PLEKHA7: variants seen among roughly 807,000 people sequenced by gnomAD.
PLEKHA7 encodes pleckstrin homology domain containing A7.
In PLEKHA7, 104 loss-of-function variants were observed where a neutral mutation model predicts 170.0. The observed-to-expected ratio is 0.61, with a 90% CI of 0.52 to 0.72. PLEKHA7 has a LOEUF of 0.72. Ranked by LOEUF, PLEKHA7 falls within the 30% of genes least tolerant of loss-of-function variation. The probability of loss-of-function intolerance (pLI) is 0.00; values close to 1 mark genes in which losing one functional copy is unlikely to be tolerated. For missense variants in PLEKHA7, 1,615 were observed against 1,671.7 expected (o/e 0.97, Z 0.59); for synonymous variants, 648 against 660.8 (o/e 0.98, Z 0.30).
At chr11:16,805,774 A>G (rs1164736111) in intron 13 of PLEKHA7, among the ~76,000 whole-genome samples, 3 of 143,530 alleles carry the variant, frequency 2.1e-5, no homozygotes, top group Non-Finnish European at 4.5e-5. Flanking sequence ...TGGGTGACAG[A>G]GCGAGACTCC....
chr11:16,878,183 C>T (rs1226206188), intron 3 of PLEKHA7, among the ~76,000 whole-genome samples: 6 of 152,240 alleles, frequency 3.9e-5, no homozygotes, highest in East Asian at 1.9e-4. Context: ...ACGAAATATA[C>T]GTTGAATTCA....
intron 3 of PLEKHA7, among the ~76,000 whole-genome samples, chr11:16,875,729 C>G (rs1328665244): frequency 6.6e-6 from 1 of 152,108 alleles, no homozygotes; most frequent in Non-Finnish European, 1.5e-5. Context: ...CAGGTGTGAG[C>G]CACCGTGCTC....
At chr11:16,822,576 C>T (rs1296297777) in intron 10 of PLEKHA7, among the ~76,000 whole-genome samples, 2 of 151,408 alleles carry the variant, frequency 1.3e-5, no homozygotes, top group Non-Finnish European at 2.9e-5. Context: ...CAGCACCGTG[C>T]ACTGCTGACT....
intron 3 of PLEKHA7, among the ~76,000 whole-genome samples, chr11:16,970,143 G>A (rs1053853908): frequency 6.6e-6 from 1 of 152,166 alleles, no homozygotes; most frequent in Non-Finnish European, 1.5e-5. Flanking sequence ...CAGAAAGGGG[G>A]TTTTCTCAGA....
Position 16,807,167 on chromosome 11 carries a change from G to A in PLEKHA7, c.2008-3872C>T, listed in dbSNP as rs912972600. The A allele has an allele frequency of 2.1e-5, 21 of 985,504 alleles. No individual in the cohort carries two copies. The East Asian group carries it at 1.1e-3, about 53-fold the overall frequency. The allele number at this position is 985,504 out of a possible 1,614,324, so 61.0% of individuals were successfully genotyped here. A position where few individuals can be genotyped will look rare whatever the true frequency, so the allele number is the denominator to read the frequency against. On this transcript the variant is annotated intron_variant, in intron 13 of 26. Transcript: ENST00000531066. ...ACGCTTCTCCTGGGCCGACAGCCCC[G>A]TGCTGACTTCTTCAGCACTTTGTAA...
chr11:16,792,385 AAAAAT>A (rs1423421496), intron 19 of PLEKHA7, among the ~76,000 whole-genome samples: 2 of 152,230 alleles, frequency 1.3e-5, no homozygotes, highest in Non-Finnish European at 2.9e-5. Flanking sequence ...TAAGTCAAAT[AAAAAT>A]AAAAGAACTA....
chr11:16,814,775 G>C (rs964118152), intron 12 of PLEKHA7, among the ~76,000 whole-genome samples: 11 of 152,208 alleles, frequency 7.2e-5, no homozygotes, highest in Non-Finnish European at 4.4e-5. Flanking sequence ...CTGTGAGGCA[G>C]CAGGGCACCA....
chr11:16,999,015 A>T (rs1864510830), intron 3 of PLEKHA7, among the ~76,000 whole-genome samples: 1 of 152,066 alleles, frequency 6.6e-6, no homozygotes, highest in South Asian at 2.1e-4. Context: ...TCAGGAGGGT[A>T]ATGGCAAATG....
intron 3 of PLEKHA7, among the ~76,000 whole-genome samples, chr11:16,985,098 T>C (rs1300138067): frequency 6.6e-6 from 1 of 152,234 alleles, no homozygotes; most frequent in African/African-American, 2.4e-5. Context: ...CTGCATGTTC[T>C]TCTTCCTCAA....
intron 3 of PLEKHA7, among the ~76,000 whole-genome samples, chr11:16,930,712 T>C (rs570268780): frequency 6.6e-6 from 1 of 152,332 alleles, no homozygotes; most frequent in African/African-American, 2.4e-5. Context: ...ACATGAGGCC[T>C]TTATTTAGAG....
At chr11:17,006,222 T>C (rs1864980258) in intron 3 of PLEKHA7, among the ~76,000 whole-genome samples, 1 of 148,910 alleles carries the variant, frequency 6.7e-6, no homozygotes, top group African/African-American at 2.5e-5. Flanking sequence ...TACCCGGGCA[T>C]GGTGGTGGGC....
In PLEKHA7 at chr11:16,826,213, G is replaced by C; in HGVS notation, c.1250C>G (p.Pro417Arg). ...GTGTTTTTCAGGGTTGGTCCTGGGA[G>C]GAAAGGCCCGCTGGTACCCACCAGT... ...NGTGGYQRAFPPRTNPEKHSQ... is the reference protein window; with the variant it reads ...NGTGGYQRAFRPRTNPEKHSQ... The change falls in exon 10 of 27, where the codon CCT becomes CGT. Residue 417 changes from proline (P) to arginine (R), a missense_variant. Transcript: ENST00000531066. 6.2e-7 allele frequency: 1 copy of C among 1,614,230 alleles called. No homozygotes were observed. Among genetic ancestry groups the C allele is most frequent in the East Asian group, 2.2e-5 (1 of 44,878 alleles).
At position 16,789,930 on chromosome 11, in the gene PLEKHA7, C is replaced by T. The variant is rs1394698154; in HGVS notation, c.3053-52G>A. Reference sequence around the variant, plus strand: ...ATGTTTGTGCTGGGGTGGATGGGTCCCTGCTTCTCCCTCATCACACATTCT... The same window carrying T: ...ATGTTTGTGCTGGGGTGGATGGGTCTCTGCTTCTCCCTCATCACACATTCT... On this transcript the variant is annotated intron_variant, in intron 21 of 26. Coordinates refer to ENST00000531066, the MANE Select transcript of PLEKHA7 (RefSeq NM_001329630.2). The surrounding 1 kb of genome is among the most constrained non-coding windows in gnomAD (Gnocchi z 4.6). The T allele has an allele frequency of 6.9e-7, 1 of 1,449,662 alleles. No homozygotes were observed. Among genetic ancestry groups the T allele is most frequent in the Non-Finnish European group, 9.7e-7 (1 of 1,033,002 alleles). The allele number at this position is 1,449,662 out of a possible 1,614,324, so 89.8% of individuals were successfully genotyped here.
chr11:16,782,953 G>T (rs979165844), intron 25 of PLEKHA7, 57 bp from the exon 26 acceptor site: 6 of 1,510,828 alleles, frequency 4.0e-6, no homozygotes, highest in Non-Finnish European at 5.3e-6. Context: ...GCAGCCTCAG[G>T]AGTGGAGGGT....
intron 3 of PLEKHA7, among the ~76,000 whole-genome samples, chr11:16,987,476 C>T (rs1315809730): frequency 6.6e-6 from 1 of 152,172 alleles, no homozygotes. Context: ...AGAGACGCAC[C>T]CTTGAGGCGT....
chr11:16,899,786 A>C (rs1857215494), intron 3 of PLEKHA7, among the ~76,000 whole-genome samples: 1 of 152,252 alleles, frequency 6.6e-6, no homozygotes, highest in African/African-American at 2.4e-5. Context: ...ATAGGGCAGG[A>C]AAACCTTTAG....
intron 3 of PLEKHA7, among the ~76,000 whole-genome samples, chr11:16,955,428 T>G (rs182204822): frequency 3.9e-4 from 60 of 152,364 alleles, no homozygotes; most frequent in Admixed American, 5.9e-4. Context: ...TTTACTTACC[T>G]GTTTGTCCCA....
chr11:16,784,881 C>A (rs566615244), intron 24 of PLEKHA7, among the ~76,000 whole-genome samples: 3 of 152,186 alleles, frequency 2.0e-5, no homozygotes, highest in African/African-American at 7.2e-5. Flanking sequence ...TAAGGAAGAA[C>A]TTTTTCCCTG....
intron 4 of PLEKHA7, among the ~76,000 whole-genome samples, chr11:16,862,688 C>T (rs1854061254): frequency 6.6e-6 from 1 of 152,136 alleles, no homozygotes; most frequent in Non-Finnish European, 1.5e-5. Flanking sequence ...AGTGCTGATG[C>T]CCTTCAAAAC....
Sources: gnomAD v4.1 joint callset for allele counts (sites outside exome capture counted in the v4.1 genomes callset) on GRCh38, gnomAD v4.1.1 for gene constraint, Gnocchi (gnomAD v3.1) non-coding constraint, MANE v1.5 for transcripts, NCBI Gene and HGNC (gene_info 2026-07-23, HGNC 2026-07-21) for gene names.